Variants in MAGI3 observed in about 807,000 individuals in gnomAD.
MAGI3 encodes membrane-associated guanylate kinase, WW and PDZ domain-containing protein 3.
In MAGI3, 43 loss-of-function variants were observed where a neutral mutation model predicts 121.8. The observed-to-expected ratio is 0.35, with a 90% CI of 0.28 to 0.46. MAGI3 has a LOEUF of 0.46. Ranked by LOEUF, MAGI3 falls within the 20% of genes least tolerant of loss-of-function variation. The pLI, the probability that MAGI3 is intolerant of heterozygous loss-of-function variation, is 1.00. For missense variants in MAGI3, 1,547 were observed against 1,797.3 expected (o/e 0.86, Z 2.52); for synonymous variants, 553 against 639.3 (o/e 0.86, Z 2.04).
intron 1 of MAGI3, among the ~76,000 whole-genome samples, chr1:113,512,969 T>C (rs1196514260): frequency 6.6e-6 from 1 of 152,072 alleles, no homozygotes; most frequent in East Asian, 1.9e-4. Context: ...ACAAGCATTC[T>C]TATACACCAA....
At chr1:113,600,575 A>T (rs1649304886) in intron 6 of MAGI3, among the ~76,000 whole-genome samples, 2 of 147,188 alleles carry the variant, frequency 1.4e-5, no homozygotes, top group African/African-American at 5.1e-5. Context: ...ATAAAAGAGG[A>T]TACAAGAAAT....
intron 9 of MAGI3, among the ~76,000 whole-genome samples, chr1:113,637,522 G>A (rs1449321770): frequency 2.6e-5 from 4 of 152,170 alleles, no homozygotes; most frequent in Non-Finnish European, 5.9e-5. Flanking sequence ...GTTCTGGGTT[G>A]ATAATTCTTT....
At chr1:113,615,970 G>C (rs1208647902) in intron 7 of MAGI3, among the ~76,000 whole-genome samples, 2 of 151,804 alleles carry the variant, frequency 1.3e-5, no homozygotes, top group African/African-American at 4.8e-5. Context: ...ATTTAAATTG[G>C]GCTCTAATCA....
chr1:113,509,119 T>G (rs1001800758), intron 1 of MAGI3, among the ~76,000 whole-genome samples: 3 of 152,166 alleles, frequency 2.0e-5, no homozygotes, highest in African/African-American at 7.2e-5. Context: ...GGTTTGTTTT[T>G]TTGTTGTTGT....
At chr1:113,433,617 C>T (rs569801717) in intron 1 of MAGI3, among the ~76,000 whole-genome samples, 37 of 152,216 alleles carry the variant, frequency 2.4e-4, no homozygotes, top group Non-Finnish European at 4.9e-4. Context: ...ACCAGTTAAA[C>T]TTCAAAACAA....
chr1:113,664,678 A>C (rs1416973785), intron 16 of MAGI3, among the ~76,000 whole-genome samples: 1 of 152,232 alleles, frequency 6.6e-6, no homozygotes, highest in Non-Finnish European at 1.5e-5. Flanking sequence ...CAAAACATTG[A>C]GGATTCTGAT....
At chr1:113,655,477 A>G (rs1329260660) in intron 15 of MAGI3, among the ~76,000 whole-genome samples, 5 of 151,540 alleles carry the variant, frequency 3.3e-5, no homozygotes, top group Non-Finnish European at 2.9e-5. Flanking sequence ...ATTTATTTAT[A>G]TTTAACATTT....
At chr1:113,516,589 G>C (rs1657920079) in intron 1 of MAGI3, among the ~76,000 whole-genome samples, 1 of 151,854 alleles carries the variant, frequency 6.6e-6, no homozygotes, top group South Asian at 2.1e-4. Flanking sequence ...ATAAATAAAT[G>C]ATCTCATAAA....
At chr1:113,464,417 G>T (rs900368581) in intron 1 of MAGI3, among the ~76,000 whole-genome samples, 3 of 152,110 alleles carry the variant, frequency 2.0e-5, no homozygotes, top group Non-Finnish European at 4.4e-5. Flanking sequence ...CACTTAGGTT[G>T]ATTTATATCT....
At chr1:113,573,254 T>C (rs1647420785) in intron 2 of MAGI3, among the ~76,000 whole-genome samples, 2 of 152,202 alleles carry the variant, frequency 1.3e-5, no homozygotes, top group Non-Finnish European at 2.9e-5. Context: ...ATTTGTTTGC[T>C]CTTGCTTCTC....
At chr1:113,667,949 G>A (rs1253684242) in intron 16 of MAGI3, among the ~76,000 whole-genome samples, 1 of 152,042 alleles carries the variant, frequency 6.6e-6, no homozygotes, top group Admixed American at 6.6e-5. Flanking sequence ...ATTTTATATG[G>A]GTGTGATTTG....
chr1:113,635,965 G>A (rs1356780259), intron 9 of MAGI3, among the ~76,000 whole-genome samples: 3 of 152,186 alleles, frequency 2.0e-5, no homozygotes, highest in South Asian at 2.1e-4. Flanking sequence ...GAGGGTGTAT[G>A]TGTCGAGGAA....
At chr1:113,473,400 G>T (rs1418551893) in intron 1 of MAGI3, among the ~76,000 whole-genome samples, 40 of 151,766 alleles carry the variant, frequency 2.6e-4, no homozygotes, top group Non-Finnish European at 1.5e-5. Context: ...TTCTCCTAAT[G>T]CTATCCCTCC....
intron 6 of MAGI3, among the ~76,000 whole-genome samples, chr1:113,610,585 T>G (rs536456443): frequency 6.6e-6 from 1 of 152,168 alleles, no homozygotes; most frequent in Non-Finnish European, 1.5e-5. Context: ...TCAACAGATA[T>G]GACATCCCCC....
At chr1:113,401,600 A>G (rs751799304) in intron 1 of MAGI3, among the ~76,000 whole-genome samples, 1 of 152,198 alleles carries the variant, frequency 6.6e-6, no homozygotes, top group Admixed American at 6.5e-5. Flanking sequence ...GGAAAATTGC[A>G]TATTAGAAAT....
At chr1:113,411,248 G>A (rs934245603) in intron 1 of MAGI3, among the ~76,000 whole-genome samples, 4 of 152,100 alleles carry the variant, frequency 2.6e-5, no homozygotes, top group African/African-American at 9.7e-5. Flanking sequence ...CAGTAATAAA[G>A]CTGAGCTATT....
intron 12 of MAGI3, among the ~76,000 whole-genome samples, chr1:113,648,054 C>T (rs1652950048): frequency 6.6e-6 from 1 of 151,948 alleles, no homozygotes; most frequent in South Asian, 2.1e-4. Flanking sequence ...TCCTGAGTAG[C>T]TGGCACTACA....
chr1:113,655,359 C>T (rs1332315487), intron 15 of MAGI3, among the ~76,000 whole-genome samples: 1 of 152,048 alleles, frequency 6.6e-6, no homozygotes, highest in Non-Finnish European at 1.5e-5. Context: ...CCCTTTCTAG[C>T]ACTACAGAAA....
At position 113,642,185 on chromosome 1, in the gene MAGI3, A is replaced by G; in HGVS notation, c.1635A>G (p.Gly545=). ...AMVLEQNGKS[G]HTLTGDGLNG... The stretch of plus-strand genomic sequence containing the variant: ...TTCTGGAGCAGAATGGAAAATCGGG[A>G]CACACTTTGACTGGTGATGGTCTCA... Residue 545 remains glycine, a synonymous_variant, in exon 10 of 21, where the codon GGA becomes GGG. Transcript: ENST00000307546. The G allele has an allele frequency of 6.2e-7, 1 of 1,614,190 alleles. No homozygotes were observed. The highest frequency in any genetic ancestry group is 8.5e-7 in the Non-Finnish European group (1 of 1,180,034).
Sources: allele counts gnomAD v4.1 joint callset (sites outside exome capture counted in the v4.1 genomes callset), GRCh38; gene constraint gnomAD v4.1.1; transcripts MANE v1.5; gene names NCBI Gene and HGNC (gene_info 2026-07-23, HGNC 2026-07-21).